The following LCMT1 variants were observed in gnomAD, a reference collection of about 807,000 sequenced individuals.
The protein encoded by LCMT1 is leucine carboxyl methyltransferase 1, also known as [Phosphatase 2A protein]-leucine-carboxy methyltransferase 1.
A neutral mutation model predicts 47.7 loss-of-function variants in LCMT1; 32 were observed. That is an observed-to-expected ratio of 0.67 (90% CI 0.51 to 0.90). LCMT1 has a LOEUF of 0.90. LCMT1 is among the 40% of genes least tolerant of loss of function. The pLI is 0.00. For synonymous variants in LCMT1, 152 were observed against 149.7 expected, an observed-to-expected ratio of 1.02 and a Z score of -0.11; for missense variants, 375 against 415.2, an observed-to-expected ratio of 0.90 and a Z score of 0.84.
chr16:25,122,140 G>A (rs573814167), intron 1 of LCMT1, among the ~76,000 whole-genome samples: 2 of 152,336 alleles, frequency 1.3e-5, no homozygotes, highest in African/African-American at 4.8e-5. Context: ...CATGGTGAAT[G>A]CAATGCTAAT....
At chr16:25,157,585 A>T (rs551040383) in intron 5 of LCMT1, among the ~76,000 whole-genome samples, 2 of 152,210 alleles carry the variant, frequency 1.3e-5, no homozygotes, top group African/African-American at 4.8e-5. Flanking sequence ...GATTAGGACG[A>T]TAAAGTATAT....
At chr16:25,133,898 G>C (rs1462433471) in intron 3 of LCMT1, among the ~76,000 whole-genome samples, 2 of 151,738 alleles carry the variant, frequency 1.3e-5, no homozygotes, top group Non-Finnish European at 2.9e-5. Flanking sequence ...TGGGTGTGGT[G>C]GTGGGCACCC....
intron 1 of LCMT1, 119 bp from the exon 2 acceptor site, chr16:25,128,356 T>C: frequency 1.5e-6 from 1 of 662,664 alleles, no homozygotes. Context: ...CTTGGCCTTT[T>C]GAGGTGGATG....
At chr16:25,177,545 T>C (rs1233009280) in intron 10 of LCMT1, among the ~76,000 whole-genome samples, 2 of 152,232 alleles carry the variant, frequency 1.3e-5, no homozygotes, top group African/African-American at 4.8e-5. Context: ...AATTAATATT[T>C]CCATATTTTT....
At chr16:25,145,455 T>A (rs562370096) in intron 4 of LCMT1, 1 of 152,172 alleles carries the variant, frequency 6.6e-6, no homozygotes, top group Non-Finnish European at 1.5e-5. Flanking sequence ...TATCAGAGAT[T>A]TCTCCATTCA....
chr16:25,125,763 C>T (rs573152230), intron 1 of LCMT1, among the ~76,000 whole-genome samples: 1,906 of 151,386 alleles, frequency 0.013, 36 homozygotes, highest in African/African-American at 0.044. Context: ...AACTGGAAGG[C>T]GGGGGTTGCA....
At chr16:25,114,400 T>A (rs2141619380) in intron 1 of LCMT1, among the ~76,000 whole-genome samples, 1 of 152,334 alleles carries the variant, frequency 6.6e-6, no homozygotes, top group African/African-American at 2.4e-5. Context: ...ATTATCATCA[T>A]TGTGATCCTG....
intron 3 of LCMT1, among the ~76,000 whole-genome samples, chr16:25,138,050 AC>A (rs1960556114): frequency 6.6e-6 from 1 of 152,058 alleles, no homozygotes; most frequent in South Asian, 2.1e-4. Flanking sequence ...ACAAGGTGTC[AC>A]CCTAACTTTC....
intron 1 of LCMT1, among the ~76,000 whole-genome samples, chr16:25,118,721 T>C (rs1439793217): frequency 6.6e-5 from 10 of 151,868 alleles, no homozygotes; most frequent in African/African-American, 2.4e-4. Context: ...GGGGAAGCAA[T>C]GTCCAGCAGA....
chr16:25,131,217 T>C (rs554869033), intron 2 of LCMT1, among the ~76,000 whole-genome samples: 2 of 152,356 alleles, frequency 1.3e-5, no homozygotes, highest in African/African-American at 4.8e-5. Flanking sequence ...AGTGGTGGTT[T>C]CTGAAAACAA....
chr16:25,171,369 T>G (rs1185858404), intron 9 of LCMT1, among the ~76,000 whole-genome samples: 1 of 151,964 alleles, frequency 6.6e-6, no homozygotes, highest in Non-Finnish European at 1.5e-5. Flanking sequence ...AGCTGAGATG[T>G]GCAATTGTAT....
At chr16:25,150,842 T>C (rs1188639236) in intron 4 of LCMT1, among the ~76,000 whole-genome samples, 1 of 152,140 alleles carries the variant, frequency 6.6e-6, no homozygotes, top group East Asian at 1.9e-4. Flanking sequence ...AAATAATGGA[T>C]CACCCTTTCC....
chr16:25,151,183 T>C (rs277886), intron 4 of LCMT1, among the ~76,000 whole-genome samples: 102,308 of 152,076 alleles, frequency 0.67, 34,862 homozygotes, highest in Non-Finnish European at 0.74. Flanking sequence ...AAAGTTTGAT[T>C]GAGAATAGGC....
In LCMT1 at chr16:25,139,198, C is replaced by T. The variant is rs149652725; in HGVS notation, c.328-973C>T. On this transcript the variant is annotated intron_variant, in intron 3 of 10. Transcript: ENST00000399069. ...GTGCTGGGATTACAGGCGTGAGCCACGGGTGCCCGGCTTCTTCACTTTTCA... is the reference window on the plus strand; with the variant it reads ...GTGCTGGGATTACAGGCGTGAGCCATGGGTGCCCGGCTTCTTCACTTTTCA... Among the ~76,000 whole-genome samples the T allele has an allele frequency of 5.1e-4, 78 of 152,326 alleles. 1 individual carries two copies. Among genetic ancestry groups the T allele is most frequent in the African/African-American group, 1.7e-3 (71 of 41,578 alleles).
chr16:25,115,446 C>T (rs932797871), intron 1 of LCMT1, among the ~76,000 whole-genome samples: 4 of 152,204 alleles, frequency 2.6e-5, no homozygotes, highest in Admixed American at 1.3e-4. Context: ...GGTGCCGCTA[C>T]GATCATGTCA....
At chr16:25,154,279 G>A (rs1215218563) in intron 5 of LCMT1, among the ~76,000 whole-genome samples, 1 of 151,610 alleles carries the variant, frequency 6.6e-6, no homozygotes, top group African/African-American at 2.4e-5. Flanking sequence ...CCAAAGTGCT[G>A]GGATTACAGG....
intron 2 of LCMT1, among the ~76,000 whole-genome samples, chr16:25,130,230 C>T (rs1960310029): frequency 6.6e-6 from 1 of 151,136 alleles, no homozygotes; most frequent in Admixed American, 6.6e-5. Flanking sequence ...GTCCCACCTA[C>T]TTCGGAGGCT....
At chr16:25,158,534 G>A (rs1961329881) in intron 5 of LCMT1, among the ~76,000 whole-genome samples, 1 of 152,242 alleles carries the variant, frequency 6.6e-6, no homozygotes. Context: ...AGAAGGGATT[G>A]TAGATCTCAT....
chr16:25,138,269 G>A (rs1960563538), intron 3 of LCMT1, among the ~76,000 whole-genome samples: 1 of 152,208 alleles, frequency 6.6e-6, no homozygotes, highest in African/African-American at 2.4e-5. Context: ...GCAGTAGATA[G>A]TGCAGTACAC....
Sources: gnomAD v4.1 joint callset for allele counts (sites outside exome capture counted in the v4.1 genomes callset) on GRCh38, gnomAD v4.1.1 for gene constraint, MANE v1.5 for transcripts, NCBI Gene and HGNC (gene_info 2026-07-23, HGNC 2026-07-21) for gene names.